ETHE1: variants seen among roughly 807,000 people sequenced by gnomAD.
The protein encoded by ETHE1 is persulfide dioxygenase ETHE1, mitochondrial.
In ETHE1, 16 loss-of-function variants were observed where a neutral mutation model predicts 25.7. The ratio of observed to expected loss-of-function variants is 0.62; its 90% confidence interval spans 0.42 to 0.95. ETHE1 has a LOEUF of 0.95. Among genes scored for constraint, ETHE1 ranks in the 40% least tolerant of loss-of-function variants. ETHE1 has a pLI of 0.00. For synonymous variants in ETHE1, 139 were observed against 135.9 expected, an observed-to-expected ratio of 1.02 and a Z score of -0.16; for missense variants, 300 against 333.6, an observed-to-expected ratio of 0.90 and a Z score of 0.79.
chr19:43,524,497 C>A (rs1214735400), intron 3 of ETHE1, among the ~76,000 whole-genome samples: 2 of 151,638 alleles, frequency 1.3e-5, no homozygotes, highest in African/African-American at 4.9e-5. Flanking sequence ...AAACATTTTC[C>A]AATTAATGGT....
At position 43,526,323 on chromosome 19, in the gene ETHE1, T is replaced by C. The variant is rs1972245482; in HGVS notation, c.253A>G (p.Ile85Val). 1 of 1,613,920 alleles carries C rather than the reference T, an allele frequency of 6.2e-7. No homozygotes were observed. Among genetic ancestry groups the C allele is most frequent in the South Asian group, 1.1e-5 (1 of 91,082 alleles). ...AVNTHCHADH[I>V]TGSGLLRSLL... ...GAACGGAGCAGCCCCGAGCCTGTAATGTGGTCCGCGTGGCAGTGGGTATTC... is the reference window on the plus strand; with the variant it reads ...GAACGGAGCAGCCCCGAGCCTGTAACGTGGTCCGCGTGGCAGTGGGTATTC... The change falls in exon 3 of 7, where the codon ATT becomes GTT. Residue 85 changes from isoleucine to valine, a missense_variant. Physicochemically the swap from Ile to Val is conservative, Grantham distance 29. Transcript: ENST00000292147.
chr19:43,508,637 C>G, intron 5 of ETHE1, 138 bp downstream of exon 5: 1 of 780,812 alleles, frequency 1.3e-6, no homozygotes, highest in Non-Finnish European at 2.2e-6. Flanking sequence ...GCCCCCTTGC[C>G]CAGCCTCAAA....
Position 43,507,951 on chromosome 19 carries a change from C to T in ETHE1, c.705G>A (p.Gln235=). The T allele has an allele frequency of 6.2e-7, 1 of 1,613,588 alleles. No homozygotes were observed. Among genetic ancestry groups the T allele is most frequent in the South Asian group, 1.1e-5 (1 of 91,014 alleles). Residue 235 remains glutamine (Q), a synonymous_variant, in exon 6 of 7, where the codon CAG becomes CAA. Transcript: ENST00000292147. ...AGGTCCCCAGCTGCTCACCTATCTG[C>T]TGAGGTTTAGGCAAGTTCAGGTTGC... ...IMGNLNLPKP[Q]QIDFAVPANM...
intron 3 of ETHE1, among the ~76,000 whole-genome samples, chr19:43,524,783 G>A (rs1972206296): frequency 6.6e-6 from 1 of 151,838 alleles, no homozygotes. Flanking sequence ...CAGCCTGGGT[G>A]ACAGAGCAAG....
Position 43,506,822 on chromosome 19 carries a change from T to C in ETHE1, c.*28A>G. ...CTCCTCCCACCTAGTGCATTAATAG[T>C]GGATGGGAGCATCTGACAGAAGTGA... On this transcript the variant is annotated 3_prime_UTR_variant, in exon 7 of 7. Coordinates refer to ENST00000292147, the MANE Select transcript of ETHE1 (RefSeq NM_014297.5). 1 of 1,609,168 alleles carries C rather than the reference T, an allele frequency of 6.2e-7. No homozygotes were observed. Among genetic ancestry groups the C allele is most frequent in the Non-Finnish European group, 8.5e-7 (1 of 1,176,408 alleles).
At chr19:43,515,675 A>G (rs2145992994) in intron 3 of ETHE1, among the ~76,000 whole-genome samples, 1 of 152,146 alleles carries the variant, frequency 6.6e-6, no homozygotes, top group Admixed American at 6.6e-5. Flanking sequence ...CCTGGGTTCA[A>G]GTGATTCTCC....
chr19:43,522,216 G>T (rs1398207870), intron 3 of ETHE1, among the ~76,000 whole-genome samples: 2 of 152,210 alleles, frequency 1.3e-5, no homozygotes, highest in African/African-American at 2.4e-5. Context: ...GAGGCCTGGA[G>T]TTTGAGACCA....
At position 43,526,788 on chromosome 19, in the gene ETHE1, G is replaced by C. The variant is rs1600020530; in HGVS notation, c.82-129C>G. The C allele has an allele frequency of 2.0e-6, 3 of 1,530,348 alleles. No individual in the cohort carries two copies. In the East Asian group the frequency reaches 7.3e-5, roughly 37 times the overall value. The allele number at this position is 1,530,348 out of a possible 1,614,324, so 94.8% of individuals were successfully genotyped here. ...AAACCCCAGCCCACTCTTTCCCCGG[G>C]AGTCGGGAGTCCGGAGCCCCACTAC... is the stretch of plus-strand genomic sequence containing the variant. On this transcript the variant is annotated intron_variant, in intron 1 of 6. Transcript: ENST00000292147.
At chr19:43,523,336 T>C (rs2146011301) in intron 3 of ETHE1, among the ~76,000 whole-genome samples, 1 of 152,260 alleles carries the variant, frequency 6.6e-6, no homozygotes, top group South Asian at 2.1e-4. Flanking sequence ...AGTGGTGCGA[T>C]CTTGGCTCAC....
intron 3 of ETHE1, among the ~76,000 whole-genome samples, chr19:43,523,638 C>A (rs1288640461): frequency 6.6e-6 from 1 of 152,076 alleles, no homozygotes. Flanking sequence ...ACCCCCATCT[C>A]CAAAATCTCA....
At position 43,526,354 on chromosome 19, in the gene ETHE1, G is replaced by A; in HGVS notation, c.227-5C>T. 6.2e-7 allele frequency: 1 copy of A among 1,614,144 alleles called. No homozygotes were observed. ...CCGCGTGGCAGTGGGTATTCACTGG[G>A]AGAGAGAGGAGGGACAGGTCCGGAG... is the stretch of plus-strand genomic sequence containing the variant. On this transcript the variant is annotated splice_region_variant and splice_polypyrimidine_tract_variant and intron_variant, in intron 2 of 6. Coordinates refer to ENST00000292147, the MANE Select transcript of ETHE1 (RefSeq NM_014297.5).
chr19:43,515,182 C>A (rs926038943), intron 3 of ETHE1, among the ~76,000 whole-genome samples: 1 of 151,874 alleles, frequency 6.6e-6, no homozygotes, highest in African/African-American at 2.4e-5. Context: ...TTTGGGAGGC[C>A]GAGGCGGGCA....
chr19:43,508,778 G>T lies in ETHE1; in HGVS notation c.592C>A (p.His198Asn). 1 of 1,599,524 alleles carries T rather than the reference G, an allele frequency of 6.3e-7. No individual in the cohort carries two copies. The highest frequency in any genetic ancestry group is 1.3e-5 in the African/African-American group (1 of 74,916). ...ACCTCTTCCAGGAAGCCCTCACCAT[G>T]GTAATCGTGAGCAGGGTAGATCAGA... Reference protein sequence around the residue: ...DCLIYPAHDYHGFTVSTVEEE... With the variant: ...DCLIYPAHDYNGFTVSTVEEE... Residue 198 changes from histidine (H) to asparagine (N), a missense_variant, in exon 5 of 7, where the codon CAT (histidine) becomes AAT (asparagine). Transcript: ENST00000292147.
chr19:43,519,300 C>T (rs1247296871), intron 3 of ETHE1, among the ~76,000 whole-genome samples: 1 of 152,056 alleles, frequency 6.6e-6, no homozygotes, highest in Non-Finnish European at 1.5e-5. Flanking sequence ...GCGTGAGCCA[C>T]CGCGCCCGGC....
chr19:43,507,961 G>A lies in ETHE1; in HGVS notation c.695C>T (p.Pro232Leu), dbSNP rs182058313. 7.4e-5 allele frequency: 119 copies of A among 1,613,940 alleles called. No homozygotes were observed. Among genetic ancestry groups the A allele is most frequent in the Non-Finnish European group, 9.0e-5 (106 of 1,180,006 alleles). ...CTGCTCACCTATCTGCTGAGGTTTA[G>A]GCAAGTTCAGGTTGCCCATGATTTT... ...FVKIMGNLNLPKPQQIDFAVP... is the reference protein window; with the variant it reads ...FVKIMGNLNLLKPQQIDFAVP... Residue 232 changes from proline (P) to leucine (L), a missense_variant, in exon 6 of 7, where the codon CCT (proline) becomes CTT (leucine). By Grantham distance (98) the Pro-to-Leu change is moderately conservative. Transcript: ENST00000292147.
chr19:43,517,477 T>C (rs1337131677), intron 3 of ETHE1, among the ~76,000 whole-genome samples: 1 of 142,094 alleles, frequency 7.0e-6, no homozygotes, highest in Non-Finnish European at 1.5e-5. Flanking sequence ...CCATCCATAC[T>C]AAAAATACAA....
At chr19:43,524,873 CT>C (rs1972208173) in intron 3 of ETHE1, among the ~76,000 whole-genome samples, 1 of 151,842 alleles carries the variant, frequency 6.6e-6, no homozygotes, top group African/African-American at 2.4e-5. Context: ...AATCCCAGCA[CT>C]TTCAGAAGCC....
chr19:43,520,046 A>C lies in ETHE1; in HGVS notation c.375+6155T>G, dbSNP rs946998577. Among the ~76,000 whole-genome samples, 19 of 87,394 alleles carry C rather than the reference A, an allele frequency of 2.2e-4. 1 individual carries two copies. Among genetic ancestry groups the C allele is most frequent in the Admixed American group, 4.9e-4 (5 of 10,300 alleles). 57.3% of individuals were successfully genotyped at this position (87,394 alleles called of 152,430 possible). A position where few individuals can be genotyped will look rare whatever the true frequency, so the allele number is the denominator to read the frequency against. On this transcript the variant is annotated intron_variant, in intron 3 of 6. Transcript: ENST00000292147. ...GGACAACATAGCGAGACCCCCACCC[A>C]AAAAAAAAAAAAAAAGAATAGGTCG...
At chr19:43,508,913 C>T in intron 4 of ETHE1, 49 bp from the exon 5 acceptor site, 1 of 1,393,846 alleles carries the variant, frequency 7.2e-7, no homozygotes, top group Non-Finnish European at 1.0e-6. Context: ...ACAGAAGACT[C>T]TAACCCCTTC....
Sources: gnomAD v4.1 joint callset for allele counts (sites outside exome capture counted in the v4.1 genomes callset) on GRCh38, gnomAD v4.1.1 for gene constraint, MANE v1.5 for transcripts, NCBI Gene and HGNC (gene_info 2026-07-23, HGNC 2026-07-21) for gene names.